SNX31: variants seen among roughly 807,000 people sequenced by gnomAD.
SNX31 encodes sorting nexin-31.
A neutral mutation model predicts 65.4 loss-of-function variants in SNX31; 58 were observed. The observed-to-expected ratio is 0.89, with a 90% CI of 0.72 to 1.10. The LOEUF (loss-of-function observed/expected upper bound fraction) is 1.10. SNX31 is among the 50% of genes least tolerant of loss of function. The pLI, the probability that SNX31 is intolerant of heterozygous loss-of-function variation, is 0.00. For missense variants in SNX31, 523 were observed against 529.7 expected (o/e 0.99, Z 0.12); for synonymous variants, 181 against 190.1 (o/e 0.95, Z 0.39).
At chr8:100,654,181 ATT>A (rs1467610772), upstream of SNX31, among the ~76,000 whole-genome samples, 1 of 151,138 alleles carries the variant, frequency 6.6e-6, no homozygotes, top group African/African-American at 2.4e-5. Flanking sequence ...TAATTTTTTA[ATT>A]TTTTTGGTAG....
In SNX31 at chr8:100,660,981, C is replaced by T. The variant is rs1366962210; in HGVS notation, c.-58+2161G>A. Among the ~76,000 whole-genome samples, 1 of 151,608 alleles carries T rather than the reference C, an allele frequency of 6.6e-6. No homozygotes were observed. Among genetic ancestry groups the T allele is most frequent in the Non-Finnish European group, 1.5e-5 (1 of 67,992 alleles). On this transcript the variant is annotated intron_variant, in intron 1 of 5. Transcript: ENST00000520352. This position sits in a 1 kb window ranked among gnomAD's most constrained non-coding sequence, Gnocchi z 4.1. Reference sequence around the variant, plus strand: ...ATGAACATTCAATCTTCACAACAATCCTACCTGCCAGAAAAGCAGGTCGAT... The same window carrying T: ...ATGAACATTCAATCTTCACAACAATTCTACCTGCCAGAAAAGCAGGTCGAT...
In SNX31 at chr8:100,629,280, G is replaced by A. The variant is rs917315369; in HGVS notation, c.321+1047C>T. Among the ~76,000 whole-genome samples the A allele has an allele frequency of 1.3e-5, 2 of 152,140 alleles. No individual in the cohort carries two copies. Among genetic ancestry groups the A allele is most frequent in the African/African-American group, 4.8e-5 (2 of 41,428 alleles). On this transcript the variant is annotated intron_variant, in intron 4 of 13. Transcript: ENST00000311812. The surrounding 1 kb of genome is among the most constrained non-coding windows in gnomAD (Gnocchi z 5.1). Reference sequence around the variant, plus strand: ...CACAACAGTTGTCACTGAGGAGGGGGATCATAAGGGAAGAAAAGTTACTTT... The same window carrying A: ...CACAACAGTTGTCACTGAGGAGGGGAATCATAAGGGAAGAAAAGTTACTTT...
intron 8 of SNX31, among the ~76,000 whole-genome samples, chr8:100,602,038 TGTC>T (rs2130944751): frequency 6.6e-6 from 1 of 152,312 alleles, no homozygotes; most frequent in East Asian, 1.9e-4. Context: ...TGCTCTAACT[TGTC>T]ATGACGGGGC....
intron 2 of SNX31, among the ~76,000 whole-genome samples, chr8:100,638,467 A>T (rs1165141077): frequency 6.6e-6 from 1 of 152,206 alleles, no homozygotes; most frequent in Non-Finnish European, 1.5e-5. Context: ...ATTGGGAAAC[A>T]TTGGTCTAAC....
intron 8 of SNX31, among the ~76,000 whole-genome samples, chr8:100,601,534 T>C (rs1405321973): frequency 6.6e-6 from 1 of 152,240 alleles, no homozygotes; most frequent in East Asian, 1.9e-4. Context: ...ATAGTTTATA[T>C]ATCTGGTTGA....
upstream of SNX31, among the ~76,000 whole-genome samples, chr8:100,650,848 T>G (rs1302982484): frequency 2.9e-5 from 3 of 104,474 alleles, no homozygotes; most frequent in Admixed American, 1.9e-4. Context: ...TTGTGTTTTT[T>G]TGTTTTTTTT....
At chr8:100,642,169 G>A (rs1047134491) in intron 2 of SNX31, among the ~76,000 whole-genome samples, 15 of 152,122 alleles carry the variant, frequency 9.9e-5, no homozygotes, top group African/African-American at 3.6e-4. Context: ...CTGTCAAAAG[G>A]CATCCCAGTT....
At chr8:100,628,690 T>C (rs568311169) in intron 4 of SNX31, among the ~76,000 whole-genome samples, 34 of 152,040 alleles carry the variant, frequency 2.2e-4, no homozygotes, top group Non-Finnish European at 2.1e-4. Context: ...TGTCTACATA[T>C]GTAACAAACC....
intron 11 of SNX31, 73 bp from the exon 12 acceptor site, chr8:100,584,261 C>A: frequency 8.0e-7 from 1 of 1,243,100 alleles, no homozygotes; most frequent in Non-Finnish European, 1.1e-6. Context: ...CCTCACACCA[C>A]AAAGCGGATT....
upstream of SNX31, among the ~76,000 whole-genome samples, chr8:100,652,867 A>C (rs1197187681): frequency 6.6e-6 from 1 of 152,122 alleles, no homozygotes; most frequent in Non-Finnish European, 1.5e-5. Context: ...GCCAATGTGC[A>C]TTATGGGTTC....
chr8:100,587,422 T>C (rs1814144849), intron 11 of SNX31, among the ~76,000 whole-genome samples: 1 of 152,252 alleles, frequency 6.6e-6, no homozygotes, highest in Non-Finnish European at 1.5e-5. Context: ...GCACAGATTC[T>C]GTTGCTGTTG....
rs1390745615 is a variant in SNX31, at chr8:100,576,958, G to C, written c.1227+61C>G. Reference sequence around the variant, plus strand: ...AAAGTGAGATGACTTTGGTTAAAGAGGAAAAAAGATCAGATTTATCAAAAT... The same window carrying C: ...AAAGTGAGATGACTTTGGTTAAAGACGAAAAAAGATCAGATTTATCAAAAT... On this transcript the variant is annotated intron_variant, in intron 13 of 13. Coordinates refer to ENST00000311812, the MANE Select transcript of SNX31 (RefSeq NM_152628.4). The surrounding 1 kb of genome is among the most constrained non-coding windows in gnomAD (Gnocchi z 4.8). The C allele has an allele frequency of 5.1e-6, 7 of 1,368,590 alleles. No individual in the cohort carries two copies. The highest frequency in any genetic ancestry group is 6.2e-6 in the Non-Finnish European group (6 of 972,654). 84.8% of individuals were successfully genotyped at this position (1,368,590 alleles called of 1,614,324 possible).
At chr8:100,654,511 C>A (rs1202889886), upstream of SNX31, among the ~76,000 whole-genome samples, 3 of 152,152 alleles carry the variant, frequency 2.0e-5, no homozygotes, top group African/African-American at 7.2e-5. Context: ...ATTTGAGGAA[C>A]TCTGGAAAAT....
chr8:100,595,023 CA>C lies in SNX31; in HGVS notation c.978+1615del, dbSNP rs757942127. ...CTGAATGAACTTCCAACAAATTATG[CA>C]GAGCAAAAATGAGCCAATCCCTAAG... is the stretch of plus-strand genomic sequence containing the variant. On this transcript the variant is annotated intron_variant, in intron 10 of 13. Coordinates refer to ENST00000311812, the MANE Select transcript of SNX31 (RefSeq NM_152628.4). Among the ~76,000 whole-genome samples, 8 of 152,226 alleles carry C rather than the reference CA, an allele frequency of 5.3e-5. No individual in the cohort carries two copies. The South Asian group carries it at 8.3e-4, about 16-fold the overall frequency.
intron 12 of SNX31, among the ~76,000 whole-genome samples, chr8:100,583,626 A>T (rs947607435): frequency 1.3e-5 from 2 of 152,198 alleles, no homozygotes; most frequent in Non-Finnish European, 2.9e-5. Flanking sequence ...GAAAAAAAAT[A>T]GCCTTGAGAG....
chr8:100,613,369 A>G lies in SNX31; in HGVS notation c.433-284T>C, dbSNP rs1342395771. ...GTCATCCCATCTCAGATGTGGACTC[A>G]CTCCCGGATTGTCTTGGTCTTTATT... On this transcript the variant is annotated intron_variant, in intron 5 of 13. Transcript: ENST00000311812. The surrounding 1 kb of genome is among the most constrained non-coding windows in gnomAD (Gnocchi z 5.2). 6.6e-6 allele frequency among the ~76,000 whole-genome samples: 1 copy of G among 151,998 alleles called. No individual in the cohort carries two copies. The highest frequency in any genetic ancestry group is 1.5e-5 in the Non-Finnish European group (1 of 67,982).
Position 100,611,889 on chromosome 8 carries a change from T to C in SNX31, c.611+111A>G, listed in dbSNP as rs1242076450. 7 of 805,278 alleles carry C rather than the reference T, an allele frequency of 8.7e-6. No homozygotes were observed. In the African/African-American group the frequency reaches 1.0e-4, roughly 12 times the overall value. 49.9% of individuals were successfully genotyped at this position (805,278 alleles called of 1,614,324 possible). On this transcript the variant is annotated intron_variant, in intron 7 of 13. Coordinates refer to ENST00000311812, the MANE Select transcript of SNX31 (RefSeq NM_152628.4). ...TTTTCTCAGAGCCTTCTCTAAGTTC[T>C]TGGTCTCCAGCTGTCAGGCTATGAG...
intron 13 of SNX31, among the ~76,000 whole-genome samples, chr8:100,574,415 C>T (rs551713268): frequency 1.2e-4 from 19 of 152,220 alleles, no homozygotes; most frequent in African/African-American, 4.1e-4. Flanking sequence ...GGGCAGATCA[C>T]GAGTTCAGGA....
intron 10 of SNX31, among the ~76,000 whole-genome samples, chr8:100,591,551 T>C (rs1297446681): frequency 1.3e-5 from 2 of 150,392 alleles, no homozygotes; most frequent in African/African-American, 4.9e-5. Context: ...AAAGTAAAAC[T>C]GGCCAGGCAT....
Sources: gnomAD v4.1 joint callset for allele counts (sites outside exome capture counted in the v4.1 genomes callset) on GRCh38, gnomAD v4.1.1 for gene constraint, Gnocchi (gnomAD v3.1) non-coding constraint, MANE v1.5 for transcripts, NCBI Gene and HGNC (gene_info 2026-07-23, HGNC 2026-07-21) for gene names.